The following CNTN3 variants were observed in gnomAD, a reference collection of about 807,000 sequenced individuals.
The protein encoded by CNTN3 is contactin-3.
CNTN3 carries 60 observed loss-of-function variants against 119.1 expected under a neutral mutation model. That is an observed-to-expected ratio of 0.50 (90% CI 0.41 to 0.62). The LOEUF is 0.62. Among genes scored for constraint, CNTN3 ranks in the 20% least tolerant of loss-of-function variants. The pLI, the probability that CNTN3 is intolerant of heterozygous loss-of-function variation, is 0.00. For missense variants in CNTN3, 1,101 were observed against 1,242.4 expected (o/e 0.89, Z 1.71); for synonymous variants, 450 against 438.7 (o/e 1.03, Z -0.32).
At chr3:74,490,815 G>C in intron 3 of CNTN3, among the ~76,000 whole-genome samples, 1 of 152,266 alleles carries the variant, frequency 6.6e-6, no homozygotes, top group African/African-American at 2.4e-5. Context: ...TGTTCCCAAA[G>C]TATTAGTGTA....
chr3:74,405,221 C>T (rs952728960), intron 5 of CNTN3, among the ~76,000 whole-genome samples: 4 of 151,852 alleles, frequency 2.6e-5, no homozygotes, highest in African/African-American at 9.7e-5. Flanking sequence ...TCATTTATGC[C>T]AAATGAATAG....
intron 5 of CNTN3, among the ~76,000 whole-genome samples, chr3:74,401,547 A>C (rs1174869098): frequency 1.3e-5 from 2 of 152,042 alleles, no homozygotes; most frequent in East Asian, 3.9e-4. Flanking sequence ...TGTCTGAAAC[A>C]AGCTGATTTA....
At chr3:74,335,691 T>C (rs1703376299) in intron 12 of CNTN3, among the ~76,000 whole-genome samples, 1 of 152,132 alleles carries the variant, frequency 6.6e-6, no homozygotes, top group Non-Finnish European at 1.5e-5. Flanking sequence ...CCTGCTGATA[T>C]ATCAAAAGGT....
At chr3:74,513,408 A>G (rs912302978) in intron 2 of CNTN3, among the ~76,000 whole-genome samples, 2 of 152,134 alleles carry the variant, frequency 1.3e-5, no homozygotes, top group African/African-American at 4.8e-5. Flanking sequence ...TAATGTACAC[A>G]TGGTTAGAAT....
Position 74,370,008 on chromosome 3 carries a change from T to A in CNTN3, c.659-17A>T. ...CCATCACACCTATAAATCCACAATA[T>A]AAAGTTAATCGTTTCAATATTTCCT... On this transcript the variant is annotated splice_polypyrimidine_tract_variant and intron_variant, in intron 6 of 22. Coordinates refer to ENST00000263665, the MANE Select transcript of CNTN3 (RefSeq NM_020872.3). The A allele has an allele frequency of 3.0e-6, 4 of 1,343,872 alleles. No individual in the cohort carries two copies. Among genetic ancestry groups the A allele is most frequent in the Non-Finnish European group, 4.2e-6 (4 of 953,968 alleles). 83.2% of individuals were successfully genotyped at this position (1,343,872 alleles called of 1,614,324 possible).
intron 11 of CNTN3, among the ~76,000 whole-genome samples, chr3:74,351,811 G>C (rs1703823377): frequency 6.6e-6 from 1 of 152,080 alleles, no homozygotes. Context: ...CAAACTCTGG[G>C]ATTTCATTGA....
intron 1 of CNTN3, among the ~76,000 whole-genome samples, chr3:74,572,718 A>G (rs1704354275): frequency 6.6e-6 from 1 of 152,242 alleles, no homozygotes; most frequent in East Asian, 1.9e-4. Flanking sequence ...GCATAATTAA[A>G]TACTTGCTTA....
intron 11 of CNTN3, among the ~76,000 whole-genome samples, chr3:74,358,581 C>CTT (rs1278876442): frequency 4.1e-4 from 54 of 130,936 alleles, no homozygotes; most frequent in African/African-American, 1.2e-3. Context: ...GAAGTGTATT[C>CTT]TTTTTTTTTT....
rs374125731 is a variant in CNTN3, at chr3:74,528,450, CA to C, written c.-80-7259del. Among the ~76,000 whole-genome samples, 330 of 151,978 alleles carry C rather than the reference CA, an allele frequency of 2.2e-3. 3 individuals are homozygous for C. The highest frequency in any genetic ancestry group is 7.5e-3 in the African/African-American group (310 of 41,522). Reference sequence around the variant, plus strand: ...ATTTACCAACTGGAAAATGTAGTGGCAACTCTAAGAATCAATTTTGTTTTAG... The same window carrying C: ...ATTTACCAACTGGAAAATGTAGTGGCACTCTAAGAATCAATTTTGTTTTAG... On this transcript the variant is annotated intron_variant, in intron 1 of 22. Coordinates refer to ENST00000263665, the MANE Select transcript of CNTN3 (RefSeq NM_020872.3).
chr3:74,303,715 T>C (rs57379289), intron 13 of CNTN3, among the ~76,000 whole-genome samples: 8,424 of 152,100 alleles, frequency 0.055, 733 homozygotes, highest in African/African-American at 0.18. Context: ...AAAAAATAAA[T>C]AATAATAACA....
rs772365077 is a variant in CNTN3, at chr3:74,266,646, A to G, written c.2821T>C (p.Phe941Leu). 1 of 1,612,922 alleles carries G rather than the reference A, an allele frequency of 6.2e-7. No homozygotes were observed. Among genetic ancestry groups the G allele is most frequent in the Non-Finnish European group, 8.5e-7 (1 of 1,179,234 alleles). Residue 941 changes from phenylalanine (F) to leucine (L), a missense_variant, in exon 22 of 23, where the codon TTC becomes CTC. Transcript: ENST00000263665. Reference sequence around the variant, plus strand: ...TTATTTTGACTGCTAGTCCTATAGAAAACCTAAAATGCATGAACAAATACA... The same window carrying G: ...TTATTTTGACTGCTAGTCCTATAGAGAACCTAAAATGCATGAACAAATACA... ...NESEVTGYKV[F>L]YRTSSQNNVQ...
chr3:74,345,837 A>T (rs1224127345), intron 11 of CNTN3, among the ~76,000 whole-genome samples: 2 of 152,212 alleles, frequency 1.3e-5, no homozygotes, highest in African/African-American at 4.8e-5. Flanking sequence ...CTCAGCCAAA[A>T]TTGTGGATCT....
intron 4 of CNTN3, among the ~76,000 whole-genome samples, chr3:74,430,165 A>G (rs1701759791): frequency 6.6e-6 from 1 of 152,184 alleles, no homozygotes; most frequent in African/African-American, 2.4e-5. Flanking sequence ...AAATGAAAAC[A>G]CTTGTTCATA....
chr3:74,321,686 C>G (rs934355918), intron 13 of CNTN3, among the ~76,000 whole-genome samples: 4 of 151,916 alleles, frequency 2.6e-5, no homozygotes, highest in Admixed American at 2.0e-4. Context: ...ACACAAATAA[C>G]TAGTATCAGA....
At chr3:74,307,424 T>C (rs864978) in intron 13 of CNTN3, among the ~76,000 whole-genome samples, 12,401 of 152,236 alleles carry the variant, frequency 0.081, 616 homozygotes, top group East Asian at 0.23. Flanking sequence ...CCATAATATG[T>C]TACAAGTATT....
intron 11 of CNTN3, among the ~76,000 whole-genome samples, chr3:74,344,712 G>A (rs1292871375): frequency 6.6e-6 from 1 of 152,070 alleles, no homozygotes; most frequent in Non-Finnish European, 1.5e-5. Context: ...GCCCGCCTCG[G>A]CCTCCCAAAG....
At chr3:74,322,546 G>T (rs1017896560) in intron 13 of CNTN3, among the ~76,000 whole-genome samples, 1 of 152,168 alleles carries the variant, frequency 6.6e-6, no homozygotes, top group Non-Finnish European at 1.5e-5. Flanking sequence ...CACTGGTGGG[G>T]ATGCAAAATG....
chr3:74,310,748 A>C (rs1426900748), intron 13 of CNTN3, among the ~76,000 whole-genome samples: 1 of 152,166 alleles, frequency 6.6e-6, no homozygotes, highest in East Asian at 1.9e-4. Context: ...AGAGGGATAG[A>C]TTTTACTACT....
chr3:74,488,456 G>A (rs1002725273), intron 3 of CNTN3, among the ~76,000 whole-genome samples: 2 of 152,270 alleles, frequency 1.3e-5, no homozygotes, highest in South Asian at 2.1e-4. Flanking sequence ...CATGGAGAGA[G>A]AGTAGGAAAT....
Sources: gnomAD v4.1 joint callset for allele counts (sites outside exome capture counted in the v4.1 genomes callset) on GRCh38, gnomAD v4.1.1 for gene constraint, MANE v1.5 for transcripts, NCBI Gene and HGNC (gene_info 2026-07-23, HGNC 2026-07-21) for gene names.